Variants in AGBL4 observed in about 807,000 individuals in gnomAD.
AGBL4 encodes AGBL carboxypeptidase 4.
A neutral mutation model predicts 66.4 loss-of-function variants in AGBL4; 58 were observed. The ratio of observed to expected loss-of-function variants is 0.87; its 90% CI spans 0.71 to 1.09. AGBL4 has a LOEUF of 1.09. Among genes scored for constraint, AGBL4 ranks in the 50% least tolerant of loss-of-function variants. AGBL4 has a pLI of 0.00. For synonymous variants in AGBL4, 234 were observed against 222.9 expected, an observed-to-expected ratio of 1.05 and a Z score of -0.44; for missense variants, 579 against 631.0, an observed-to-expected ratio of 0.92 and a Z score of 0.88.
intron 4 of AGBL4, among the ~76,000 whole-genome samples, chr1:49,139,274 G>T (rs1646071256): frequency 6.6e-6 from 1 of 152,064 alleles, no homozygotes; most frequent in Non-Finnish European, 1.5e-5. Context: ...AATAATTCAG[G>T]CAAACCTCAC....
At chr1:49,749,577 A>G (rs1651284270) in intron 2 of AGBL4, among the ~76,000 whole-genome samples, 1 of 152,170 alleles carries the variant, frequency 6.6e-6, no homozygotes, top group Non-Finnish European at 1.5e-5. Context: ...AAGTGAATAT[A>G]TGAAAATAAC....
intron 1 of AGBL4, among the ~76,000 whole-genome samples, chr1:49,939,624 C>T (rs540296646): frequency 3.2e-4 from 49 of 152,196 alleles, no homozygotes; most frequent in Admixed American, 9.2e-4. Flanking sequence ...ATTTAATAAA[C>T]GGTGCTTGGA....
At chr1:49,665,699 G>A (rs1646351379) in intron 3 of AGBL4, among the ~76,000 whole-genome samples, 1 of 151,872 alleles carries the variant, frequency 6.6e-6, no homozygotes, top group Non-Finnish European at 1.5e-5. Flanking sequence ...TCTCATTTTT[G>A]TTATAGGATT....
At chr1:48,945,936 T>C (rs574181264) in intron 5 of AGBL4, among the ~76,000 whole-genome samples, 2 of 152,334 alleles carry the variant, frequency 1.3e-5, no homozygotes, top group South Asian at 4.1e-4. Flanking sequence ...ATAAAGTTCT[T>C]ACAATAGTAC....
At chr1:48,905,890 T>G (rs1652540072) in intron 5 of AGBL4, among the ~76,000 whole-genome samples, 1 of 152,240 alleles carries the variant, frequency 6.6e-6, no homozygotes, top group African/African-American at 2.4e-5. Context: ...TGAAAAATAC[T>G]GATTGACCAC....
chr1:48,630,319 T>C (rs1219973529), intron 9 of AGBL4, among the ~76,000 whole-genome samples: 1 of 152,182 alleles, frequency 6.6e-6, no homozygotes, highest in Non-Finnish European at 1.5e-5. Context: ...TAGGAACACA[T>C]AGAAGGGCTC....
chr1:49,682,183 G>A (rs1646707741), intron 3 of AGBL4, among the ~76,000 whole-genome samples: 1 of 152,142 alleles, frequency 6.6e-6, no homozygotes, highest in Non-Finnish European at 1.5e-5. Flanking sequence ...CGAGGAGGGA[G>A]GATCACAAGG....
At chr1:50,001,685 C>A (rs12118432) in intron 1 of AGBL4, among the ~76,000 whole-genome samples, 1 of 152,108 alleles carries the variant, frequency 6.6e-6, no homozygotes, top group Admixed American at 6.6e-5. Flanking sequence ...TTGTCCCCTG[C>A]TAAAGGTGGC....
chr1:49,030,578 G>A (rs371668911), intron 5 of AGBL4, among the ~76,000 whole-genome samples: 1 of 152,062 alleles, frequency 6.6e-6, no homozygotes, highest in Non-Finnish European at 1.5e-5. Flanking sequence ...TCTCAAAGGA[G>A]TGCGAACCCT....
chr1:48,647,711 G>A (rs1645859802), intron 8 of AGBL4: 1 of 389,796 alleles, frequency 2.6e-6, no homozygotes, highest in Non-Finnish European at 5.1e-6. Flanking sequence ...TGCTCAGAAA[G>A]CGCCGTGGGG....
intron 4 of AGBL4, among the ~76,000 whole-genome samples, chr1:49,178,529 A>G (rs1021756661): frequency 6.6e-6 from 1 of 152,186 alleles, no homozygotes; most frequent in African/African-American, 2.4e-5. Flanking sequence ...TGTTTCATTC[A>G]GCACTATATT....
At chr1:48,645,392 C>T (rs1645819449) in intron 8 of AGBL4, among the ~76,000 whole-genome samples, 1 of 152,078 alleles carries the variant, frequency 6.6e-6, no homozygotes, top group South Asian at 2.1e-4. Flanking sequence ...TCCTGCCCTG[C>T]CTACACCACA....
chr1:49,500,293 T>C (rs537922315), intron 3 of AGBL4, among the ~76,000 whole-genome samples: 3 of 152,212 alleles, frequency 2.0e-5, no homozygotes, highest in South Asian at 2.1e-4. Flanking sequence ...GTTGGATGCA[T>C]AGTTTGCAAA....
intron 5 of AGBL4, among the ~76,000 whole-genome samples, chr1:48,978,112 A>T (rs916721771): frequency 5.9e-5 from 9 of 152,124 alleles, no homozygotes; most frequent in African/African-American, 1.9e-4. Context: ...TATGAAAATT[A>T]GTTGCATCTT....
At position 49,430,473 on chromosome 1, in the gene AGBL4, C is replaced by T. The variant is rs368408870; in HGVS notation, c.283-184609G>A. ...TTCTTTGCTTCTGTATCAGCAGACC[C>T]TAGTATGGGCCTGGTACAGAGTAAG... On this transcript the variant is annotated intron_variant, in intron 3 of 13. Transcript: ENST00000371839. 3.3e-4 allele frequency among the ~76,000 whole-genome samples: 50 copies of T among 152,226 alleles called. 1 individual carries two copies. In the South Asian group the frequency reaches 9.8e-3, roughly 30 times the overall value.
intron 3 of AGBL4, among the ~76,000 whole-genome samples, chr1:49,655,870 T>A (rs1222137752): frequency 3.9e-5 from 6 of 152,060 alleles, no homozygotes; most frequent in Non-Finnish European, 8.8e-5. Context: ...AAGGGGGTGC[T>A]GGGCGTGGTG....
At chr1:48,770,911 T>C (rs1644791580) in intron 6 of AGBL4, among the ~76,000 whole-genome samples, 2 of 152,176 alleles carry the variant, frequency 1.3e-5, no homozygotes, top group Non-Finnish European at 2.9e-5. Context: ...CTCATATTTA[T>C]CCACAAGTCC....
chr1:48,895,912 C>A (rs1222577868), intron 5 of AGBL4, among the ~76,000 whole-genome samples: 1 of 152,168 alleles, frequency 6.6e-6, no homozygotes, highest in Admixed American at 6.5e-5. Context: ...AGAAAATGTA[C>A]CAAAAGTCTA....
intron 1 of AGBL4, among the ~76,000 whole-genome samples, chr1:50,012,205 G>A (rs567975669): frequency 2.0e-5 from 3 of 150,728 alleles, no homozygotes; most frequent in Non-Finnish European, 4.4e-5. Context: ...ACCAGAGGCT[G>A]AGAAGGTTAG....
Sources: allele counts gnomAD v4.1 joint callset (sites outside exome capture counted in the v4.1 genomes callset), GRCh38; gene constraint gnomAD v4.1.1; transcripts MANE v1.5; gene names NCBI Gene and HGNC (gene_info 2026-07-23, HGNC 2026-07-21).